MAP1LC3B: variants seen among roughly 807,000 people sequenced by gnomAD.
The protein encoded by MAP1LC3B is microtubule associated protein 1 light chain 3 beta, also known as microtubule-associated protein 1 light chain 3 beta.
MAP1LC3B carries 12 observed loss-of-function variants against 16.7 expected under a neutral mutation model. The observed-to-expected ratio is 0.72, with a 90% confidence interval of 0.46 to 1.16. The LOEUF (loss-of-function observed/expected upper bound fraction) is 1.16. Among genes scored for constraint, MAP1LC3B ranks in the 50% most tolerant of loss-of-function variants. The pLI is 0.00. For missense variants in MAP1LC3B, 155 were observed against 159.5 expected, an observed-to-expected ratio of 0.97 and a Z score of 0.15; for synonymous variants, 63 against 56.5, an observed-to-expected ratio of 1.11 and a Z score of -0.51.
rs1908100602 is a variant in MAP1LC3B at position 87,404,335 on chromosome 16, T to TA, written c.*1238_*1239insA. On this transcript the variant is annotated 3_prime_UTR_variant, in exon 4 of 4. Transcript: ENST00000268607. ...CACAATTACACCACTTTAGACCCTATGTGTAGCAGGTCACAACTTACCCTT... is the reference window on the plus strand; with the variant it reads ...CACAATTACACCACTTTAGACCCTATAGTGTAGCAGGTCACAACTTACCCTT... 6.6e-6 allele frequency: 1 copy of TA among 152,202 alleles called. No homozygotes were observed. The highest frequency in any genetic ancestry group is 1.5e-5 in the Non-Finnish European group (1 of 68,038). The allele number at this position is 152,202 out of a possible 1,614,324, so 9.4% of individuals were successfully genotyped here.
At chr16:87,402,146 T>C (rs1209698776) in intron 2 of MAP1LC3B, 29 bp from the exon 3 acceptor site, 2 of 1,613,446 alleles carry the variant, frequency 1.2e-6, no homozygotes, top group Admixed American at 3.3e-5. Context: ...TGATGACTAT[T>C]TTAAAATCAC....
Position 87,402,968 on chromosome 16 carries a change from G to A in MAP1LC3B, c.249G>A (p.Val83=), listed in dbSNP as rs1908048363. 5 of 1,613,870 alleles carry A rather than the reference G, an allele frequency of 3.1e-6. No homozygotes were observed. Among genetic ancestry groups the A allele is most frequent in the East Asian group, 2.2e-5 (1 of 44,896 alleles). The change falls in exon 4 of 4, where the codon GTG becomes GTA. Residue 83 remains valine, a synonymous_variant. Transcript: ENST00000268607. ...CTAATCAGGCCTTCTTCCTGTTGGTGAACGGACACAGCATGGTCAGCGTCT... is the reference window on the plus strand; with the variant it reads ...CTAATCAGGCCTTCTTCCTGTTGGTAAACGGACACAGCATGGTCAGCGTCT... ...LNANQAFFLL[V]NGHSMVSVST...
At chr16:87,393,865 C>T (rs577240943) in intron 1 of MAP1LC3B, among the ~76,000 whole-genome samples, 28 of 152,228 alleles carry the variant, frequency 1.8e-4, no homozygotes, top group Admixed American at 9.2e-4. Flanking sequence ...CCCCCTCAGA[C>T]CTGGCTTCTG....
chr16:87,398,842 T>A lies in MAP1LC3B; in HGVS notation c.68T>A (p.Ile23Asn). The A allele has an allele frequency of 6.2e-7, 1 of 1,614,152 alleles. No homozygotes were observed. The highest frequency in any genetic ancestry group is 1.7e-5 in the Admixed American group (1 of 60,022). ...CAAAGAGTAGAAGATGTCCGACTTA[T>A]TCGAGAGCAGCATCCAACCAAAATC... is the stretch of plus-strand genomic sequence containing the variant. ...FEQRVEDVRL[I>N]REQHPTKIPV... Residue 23 changes from isoleucine to asparagine, a missense_variant, in exon 2 of 4, where the codon ATT (isoleucine) becomes AAT (asparagine). By Grantham distance (149) the Ile-to-Asn change is moderately radical. Coordinates refer to ENST00000268607, the MANE Select transcript of MAP1LC3B (RefSeq NM_022818.5).
Position 87,402,251 on chromosome 16 carries a change from T to G in MAP1LC3B, c.173T>G (p.Val58Gly). 6.2e-7 allele frequency: 1 copy of G among 1,614,182 alleles called. No individual in the cohort carries two copies. The highest frequency in any genetic ancestry group is 8.5e-7 in the Non-Finnish European group (1 of 1,180,014). ...DKTKFLVPDH[V>G]NMSELIKIIR... ...ACAAAGTTCCTTGTACCTGACCATG[T>G]CAACATGAGTGAGCTCATCAAGATA... Residue 58 changes from valine (V) to glycine (G), a missense_variant, in exon 3 of 4, where the codon GTC (valine) becomes GGC (glycine). By Grantham distance (109) the Val-to-Gly change is moderately radical. Coordinates refer to ENST00000268607, the MANE Select transcript of MAP1LC3B (RefSeq NM_022818.5).
At position 87,392,346 on chromosome 16, in the gene MAP1LC3B, T is replaced by TCGC; in HGVS notation, c.-75_-73dup. ...GAAGTGGCTATCGCCAGAGTCGGAT[T>TCGC]CGCCGCCGCAGCAGCCGCCGCCCCC... On this transcript the variant is annotated 5_prime_UTR_variant, in exon 1 of 4. Coordinates refer to ENST00000268607, the MANE Select transcript of MAP1LC3B (RefSeq NM_022818.5). The TCGC allele has an allele frequency of 2.3e-6, 3 of 1,321,186 alleles. No individual in the cohort carries two copies. The highest frequency in any genetic ancestry group is 2.9e-6 in the Non-Finnish European group (3 of 1,028,790). 81.8% of individuals were successfully genotyped at this position (1,321,186 alleles called of 1,614,324 possible). A position where few individuals can be genotyped will look rare whatever the true frequency, so the allele number is the denominator to read the frequency against.
intron 2 of MAP1LC3B, 24 bp downstream of exon 2, chr16:87,398,894 TC>T: frequency 6.2e-7 from 1 of 1,609,722 alleles, no homozygotes; most frequent in African/African-American, 1.3e-5. Context: ...GGCCTCGGTT[TC>T]AGTCATGAAT....
intron 3 of MAP1LC3B, 127 bp from the exon 4 acceptor site, chr16:87,402,796 A>G: frequency 9.4e-7 from 1 of 1,068,262 alleles, no homozygotes; most frequent in South Asian, 1.6e-5. Context: ...CTTTATGAGA[A>G]GTATTGGATT....
chr16:87,402,777 T>G, intron 3 of MAP1LC3B, 146 bp from the exon 4 acceptor site: 1 of 944,908 alleles, frequency 1.1e-6, no homozygotes, highest in Non-Finnish European at 1.6e-6. Flanking sequence ...TCAAAGGAAG[T>G]GTCCTGTGCT....
chr16:87,404,288 C>G lies in MAP1LC3B; in HGVS notation c.*1191C>G, dbSNP rs1041578009. 2 of 152,176 alleles carry G rather than the reference C, an allele frequency of 1.3e-5. No homozygotes were observed. Among genetic ancestry groups the G allele is most frequent in the Admixed American group, 6.5e-5 (1 of 15,280 alleles). The allele number at this position is 152,176 out of a possible 1,614,324, so 9.4% of individuals were successfully genotyped here. A position where few individuals can be genotyped will look rare whatever the true frequency, so the allele number is the denominator to read the frequency against. On this transcript the variant is annotated 3_prime_UTR_variant, in exon 4 of 4. Transcript: ENST00000268607. ...CATGGGGTTCACTATTTATAGTTTT[C>G]TTGGGAGTATCACAGGAAAATCACA...
At chr16:87,398,582 C>T (rs544186245) in intron 1 of MAP1LC3B, among the ~76,000 whole-genome samples, 5 of 152,336 alleles carry the variant, frequency 3.3e-5, no homozygotes, top group African/African-American at 4.8e-5. Context: ...TATTCCTGGT[C>T]TTTGTCCTAT....
At chr16:87,399,117 C>G (rs1199951430) in intron 2 of MAP1LC3B, 1 of 495,594 alleles carries the variant, frequency 2.0e-6, no homozygotes, top group Non-Finnish European at 3.7e-6. Flanking sequence ...AGCAGTCCTC[C>G]CTCCTCAGCC....
chr16:87,397,401 G>A (rs1034780898), intron 1 of MAP1LC3B, among the ~76,000 whole-genome samples: 5 of 151,958 alleles, frequency 3.3e-5, no homozygotes, highest in African/African-American at 1.2e-4. Flanking sequence ...GGCGGATCAC[G>A]AGGTCAGGAG....
At chr16:87,399,708 A>G in intron 2 of MAP1LC3B, 3 of 371,282 alleles carry the variant, frequency 8.1e-6, no homozygotes, top group Non-Finnish European at 1.6e-5. Flanking sequence ...GCTTAAAACT[A>G]AAAAAAAACA....
chr16:87,393,655 T>C (rs1377217296), intron 1 of MAP1LC3B, among the ~76,000 whole-genome samples: 1 of 151,318 alleles, frequency 6.6e-6, no homozygotes, highest in Admixed American at 6.6e-5. Context: ...TTTTTGTTAG[T>C]AGTTTTCTTG....
chr16:87,404,214 C>A lies in MAP1LC3B; in HGVS notation c.*1117C>A, dbSNP rs535166830. On this transcript the variant is annotated 3_prime_UTR_variant, in exon 4 of 4. Coordinates refer to ENST00000268607, the MANE Select transcript of MAP1LC3B (RefSeq NM_022818.5). ...ACAGATACTAATGTCAAGAGTTAAA[C>A]CTCCTCAGGTTCAACCTGTGATAAA... The A allele has an allele frequency of 6.6e-6, 1 of 152,146 alleles. No individual in the cohort carries two copies. The highest frequency in any genetic ancestry group is 1.5e-5 in the Non-Finnish European group (1 of 68,026). The allele number at this position is 152,146 out of a possible 1,614,324, so 9.4% of individuals were successfully genotyped here.
intron 2 of MAP1LC3B, chr16:87,399,172 A>G (rs925644697): frequency 2.9e-6 from 1 of 350,840 alleles, no homozygotes; most frequent in Non-Finnish European, 5.3e-6. Flanking sequence ...ACACCTGGCT[A>G]ATTTTTTAAG....
intron 1 of MAP1LC3B, 119 bp downstream of exon 1, chr16:87,392,586 T>G: frequency 1.0e-6 from 1 of 976,606 alleles, no homozygotes; most frequent in Non-Finnish European, 1.3e-6. Context: ...GCGGGGCCGG[T>G]GGCTGCCGGC....
At chr16:87,393,249 C>G (rs997243509) in intron 1 of MAP1LC3B, 12 of 152,252 alleles carry the variant, frequency 7.9e-5, no homozygotes, top group African/African-American at 2.9e-4. Flanking sequence ...GTCACCATCA[C>G]AATATTTACT....
Sources: allele counts gnomAD v4.1 joint callset (sites outside exome capture counted in the v4.1 genomes callset), GRCh38; gene constraint gnomAD v4.1.1; transcripts MANE v1.5; gene names NCBI Gene and HGNC (gene_info 2026-07-23, HGNC 2026-07-21).